NMNAT3: variants seen among roughly 807,000 people sequenced by gnomAD.
The protein encoded by NMNAT3 is nicotinamide/nicotinic acid mononucleotide adenylyltransferase 3.
Under a neutral mutation model 24.8 loss-of-function variants are expected in NMNAT3, and 21 were observed. The observed-to-expected ratio is 0.85, with a 90% confidence interval of 0.60 to 1.22. NMNAT3 has a LOEUF of 1.22. NMNAT3 is among the 50% of genes most tolerant of loss of function. NMNAT3 has a pLI of 0.00. For synonymous variants in NMNAT3, 136 were observed against 155.2 expected, an observed-to-expected ratio of 0.88 and a Z score of 0.92; for missense variants, 387 against 436.6, an observed-to-expected ratio of 0.89 and a Z score of 1.01.
At chr3:139,650,038 G>T (rs2057004898) in intron 1 of NMNAT3, among the ~76,000 whole-genome samples, 1 of 152,136 alleles carries the variant, frequency 6.6e-6, no homozygotes. Context: ...ATAAACAAAA[G>T]CAAGGGCATG....
intron 2 of NMNAT3, among the ~76,000 whole-genome samples, chr3:139,632,102 C>T (rs2056324175): frequency 6.6e-6 from 1 of 152,104 alleles, no homozygotes; most frequent in African/African-American, 2.4e-5. Context: ...CAACTCCTAG[C>T]ACTGTGCCTG....
Position 139,626,008 on chromosome 3 carries a change from A to T in NMNAT3, c.109+1608T>A, listed in dbSNP as rs1350982548. ...TTCTCTTTTGGTAAATTCAGTAACA[A>T]GATGTCTGCTGTCATCTTTATTTTT... On this transcript the variant is annotated intron_variant, in intron 3 of 6. Coordinates refer to ENST00000643695, the MANE Select transcript of NMNAT3 (RefSeq NM_001320510.2). 2.6e-5 allele frequency among the ~76,000 whole-genome samples: 4 copies of T among 152,302 alleles called. No homozygotes were observed. In the South Asian group the frequency reaches 8.3e-4, roughly 32 times the overall value.
chr3:139,654,403 AAAGT>A (rs1388904350), intron 1 of NMNAT3, among the ~76,000 whole-genome samples: 2 of 152,230 alleles, frequency 1.3e-5, no homozygotes, highest in Non-Finnish European at 2.9e-5. Context: ...AGCAAGGGCA[AAAGT>A]AAGAAAACTT....
intron 2 of NMNAT3, among the ~76,000 whole-genome samples, chr3:139,632,088 C>CT (rs2056323494): frequency 6.6e-6 from 1 of 152,030 alleles, no homozygotes; most frequent in Non-Finnish European, 1.5e-5. Flanking sequence ...CATCTTGGTC[C>CT]TTTCAACTCC....
intron 3 of NMNAT3, among the ~76,000 whole-genome samples, chr3:139,599,788 A>G (rs1357475319): frequency 6.6e-6 from 1 of 152,130 alleles, no homozygotes; most frequent in Non-Finnish European, 1.5e-5. Context: ...GTGTGATCCA[A>G]ATGAATTTGA....
At chr3:139,615,417 T>TTCTATCTATCTATCTATCTATCTATCTA (rs145198692) in intron 3 of NMNAT3, among the ~76,000 whole-genome samples, 35 of 140,236 alleles carry the variant, frequency 2.5e-4, no homozygotes, top group Non-Finnish European at 3.2e-4. Flanking sequence ...CACACACATT[T>TTCTATCTATCTATCTATCTATCTATCTA]TCTATCTATC....
At chr3:139,659,295 A>G (rs1399611234) in intron 1 of NMNAT3, among the ~76,000 whole-genome samples, 1 of 152,216 alleles carries the variant, frequency 6.6e-6, no homozygotes, top group African/African-American at 2.4e-5. Context: ...CAAAGTTAGC[A>G]TAGCCCTCTG....
In NMNAT3 at chr3:139,561,167, C is replaced by T; in HGVS notation, c.884G>A (p.Ser295Asn). The T allele has an allele frequency of 5.0e-6, 8 of 1,614,200 alleles. No homozygotes were observed. Among genetic ancestry groups the T allele is most frequent in the Non-Finnish European group, 5.9e-6 (7 of 1,180,034 alleles). ...CAAGGCTCGCCTGATGTATGTGGCA[C>T]TGATCTCATTCTGCACAGGCTCCTT... Residue 295 changes from serine (S) to asparagine (N), a missense_variant, in exon 7 of 7, where the codon AGT becomes AAT. By Grantham distance (46) the Ser-to-Asn change is conservative. Transcript: ENST00000643695.
chr3:139,622,919 G>T (rs922373052), intron 3 of NMNAT3, among the ~76,000 whole-genome samples: 1 of 147,374 alleles, frequency 6.8e-6, no homozygotes, highest in South Asian at 2.1e-4. Flanking sequence ...AGGACTGGAA[G>T]TTGCTCTGGG....
intron 3 of NMNAT3, among the ~76,000 whole-genome samples, chr3:139,592,976 C>A (rs1005452297): frequency 1.3e-5 from 2 of 152,116 alleles, no homozygotes; most frequent in Non-Finnish European, 2.9e-5. Flanking sequence ...ACAATATTAA[C>A]TTTAAATGTA....
chr3:139,653,328 C>T (rs957283793), intron 1 of NMNAT3, among the ~76,000 whole-genome samples: 1 of 151,934 alleles, frequency 6.6e-6, no homozygotes, highest in Admixed American at 6.6e-5. Context: ...ATTGTTAAAA[C>T]CCCCATAATT....
rs190599179 is a variant in NMNAT3, at chr3:139,624,637, C to T, written c.109+2979G>A. ...CTGATTTTTGTATTCTTAGTAGAGA[C>T]GGGGTTTCACCATGTTGGCCAGGCT... On this transcript the variant is annotated intron_variant, in intron 3 of 6. Transcript: ENST00000643695. Among the ~76,000 whole-genome samples the T allele has an allele frequency of 4.8e-3, 723 of 152,072 alleles. 3 individuals are homozygous for T. The highest frequency in any genetic ancestry group is 0.016 in the African/African-American group (655 of 41,466).
intron 3 of NMNAT3, among the ~76,000 whole-genome samples, chr3:139,626,640 A>C (rs1022404163): frequency 2.0e-5 from 3 of 152,116 alleles, no homozygotes; most frequent in African/African-American, 7.2e-5. Context: ...ACAGAACACC[A>C]AATTGTCCTC....
In NMNAT3 at chr3:139,560,357, T is replaced by G. The variant is rs181872420; in HGVS notation, c.*653A>C. 1 of 152,748 alleles carries G rather than the reference T, an allele frequency of 6.5e-6. No homozygotes were observed. Among genetic ancestry groups the G allele is most frequent in the East Asian group, 1.9e-4 (1 of 5,194 alleles). The allele number at this position is 152,748 out of a possible 1,614,324, so 9.5% of individuals were successfully genotyped here. On this transcript the variant is annotated 3_prime_UTR_variant, in exon 7 of 7. Coordinates refer to ENST00000643695, the MANE Select transcript of NMNAT3 (RefSeq NM_001320510.2). ...GCCCCGGCTTTTATGCTATAGCAAG[T>G]TTGACACTTGCTGTATCAAAAATAT...
At position 139,560,985 on chromosome 3, in the gene NMNAT3, G is replaced by A. The variant is rs1936294448; in HGVS notation, c.*25C>T. 4 of 1,595,294 alleles carry A rather than the reference G, an allele frequency of 2.5e-6. No individual in the cohort carries two copies. The highest frequency in any genetic ancestry group is 2.6e-6 in the Non-Finnish European group (3 of 1,168,388). ...TCCCCAGCAGGAGCTTGTTGGAGGA[G>A]GTGTGGGTGCTGAGTCCCCCCTCCC... On this transcript the variant is annotated 3_prime_UTR_variant, in exon 7 of 7. Coordinates refer to ENST00000643695, the MANE Select transcript of NMNAT3 (RefSeq NM_001320510.2).
At chr3:139,638,702 C>T (rs1350015072) in intron 1 of NMNAT3, among the ~76,000 whole-genome samples, 1 of 152,196 alleles carries the variant, frequency 6.6e-6, no homozygotes, top group East Asian at 1.9e-4. Flanking sequence ...TGAATGCACT[C>T]CTAGCCTGTC....
At chr3:139,612,812 C>G (rs1417143035) in intron 3 of NMNAT3, among the ~76,000 whole-genome samples, 1 of 152,084 alleles carries the variant, frequency 6.6e-6, no homozygotes, top group Admixed American at 6.6e-5. Flanking sequence ...CAGAACAGAG[C>G]CCTCAGAAAT....
intron 1 of NMNAT3, among the ~76,000 whole-genome samples, chr3:139,677,224 C>G (rs2057959232): frequency 6.6e-6 from 1 of 152,204 alleles, no homozygotes; most frequent in South Asian, 2.1e-4. Context: ...ACAGTTTTAA[C>G]GTTCACACTT....
intron 3 of NMNAT3, among the ~76,000 whole-genome samples, chr3:139,601,433 G>A (rs544912013): frequency 2.0e-5 from 3 of 152,296 alleles, no homozygotes; most frequent in South Asian, 2.1e-4. Context: ...GAGGCATGGC[G>A]TAAGACTCAA....
Sources: gnomAD v4.1 joint callset for allele counts (sites outside exome capture counted in the v4.1 genomes callset) on GRCh38, gnomAD v4.1.1 for gene constraint, MANE v1.5 for transcripts, NCBI Gene and HGNC (gene_info 2026-07-23, HGNC 2026-07-21) for gene names.